ZNF543: variants seen among roughly 807,000 people sequenced by gnomAD.
ZNF543 encodes the protein zinc finger protein 543.
In ZNF543, 10 loss-of-function variants were observed where a neutral mutation model predicts 13.4. The ratio of observed to expected loss-of-function variants is 0.75; its 90% confidence interval spans 0.46 to 1.26. The LOEUF is 1.26. ZNF543 is among the 50% of genes most tolerant of loss of function. The pLI is 0.00. For synonymous variants in ZNF543, 272 were observed against 264.7 expected (o/e 1.03, Z -0.27); for missense variants, 768 against 741.2 (o/e 1.04, Z -0.42).
chr19:57,325,234 T>A (rs992337959), intron 2 of ZNF543, among the ~76,000 whole-genome samples: 56 of 152,126 alleles, frequency 3.7e-4, no homozygotes, highest in African/African-American at 1.3e-3. Context: ...TGAAGGAAGG[T>A]CTGATTCCCC....
In ZNF543 at chr19:57,328,468, G is replaced by T; in HGVS notation, c.1006G>T (p.Glu336Ter). The change falls in exon 4 of 4, where the codon GAG becomes TAG. Residue 336 changes from glutamate (E) to a stop codon, truncating the protein, a stop_gained. Transcript: ENST00000321545. LOFTEE classifies it low-confidence loss of function (END_TRUNC). ...FIRHYIIHTG[E>*]KPYECIECGK... Reference sequence around the variant, plus strand: ...TCGACACTACATCATCCACACGGGAGAGAAGCCCTATGAGTGCATTGAGTG... The same window carrying T: ...TCGACACTACATCATCCACACGGGATAGAAGCCCTATGAGTGCATTGAGTG... 6.2e-7 allele frequency: 1 copy of T among 1,614,238 alleles called. No individual in the cohort carries two copies. Among genetic ancestry groups the T allele is most frequent in the South Asian group, 1.1e-5 (1 of 91,092 alleles).
intron 3 of ZNF543, among the ~76,000 whole-genome samples, chr19:57,326,981 C>T (rs1305762167): frequency 6.6e-6 from 1 of 151,810 alleles, no homozygotes; most frequent in Admixed American, 6.6e-5. Flanking sequence ...GATTCTCCCA[C>T]CTCAGCCTCC....
At position 57,329,295 on chromosome 19, in the gene ZNF543, C is replaced by T; in HGVS notation, c.*30C>T. The T allele has an allele frequency of 6.4e-7, 1 of 1,555,670 alleles. No homozygotes were observed. Reference sequence around the variant, plus strand: ...GAACATCTTACCATCTGGCCATTCACACTGAAGAGAAACTTCATAAGCATC... The same window carrying T: ...GAACATCTTACCATCTGGCCATTCATACTGAAGAGAAACTTCATAAGCATC... On this transcript the variant is annotated 3_prime_UTR_variant, in exon 4 of 4. Transcript: ENST00000321545.
intron 2 of ZNF543, among the ~76,000 whole-genome samples, chr19:57,325,105 G>A (rs899523257): frequency 1.3e-5 from 2 of 152,196 alleles, no homozygotes; most frequent in Admixed American, 6.5e-5. Context: ...CATTTGAGCT[G>A]AGACCCAAAG....
chr19:57,321,259 C>G (rs1194066642), intron 1 of ZNF543, among the ~76,000 whole-genome samples: 2 of 152,170 alleles, frequency 1.3e-5, no homozygotes, highest in Non-Finnish European at 2.9e-5. Context: ...TCCAGGCTTT[C>G]TCTTTGCACT....
chr19:57,320,716 T>G lies in ZNF543; in HGVS notation c.-138T>G. 2 of 1,106,484 alleles carry G rather than the reference T, an allele frequency of 1.8e-6. No individual in the cohort carries two copies. Among genetic ancestry groups the G allele is most frequent in the Non-Finnish European group, 2.5e-6 (2 of 796,318 alleles). The allele number at this position is 1,106,484 out of a possible 1,614,324, so 68.5% of individuals were successfully genotyped here. A position where few individuals can be genotyped will look rare whatever the true frequency, so the allele number is the denominator to read the frequency against. On this transcript the variant is annotated 5_prime_UTR_variant, in exon 1 of 4. Transcript: ENST00000321545. ...CTCAGCCCCGACGCTGCGCCCGCTT[T>G]GTGCGCATTTTTCTCTGGGGAAACT...
chr19:57,329,757 C>A lies in ZNF543; in HGVS notation c.*492C>A, dbSNP rs988708461. On this transcript the variant is annotated 3_prime_UTR_variant, in exon 4 of 4. Coordinates refer to ENST00000321545, the MANE Select transcript of ZNF543 (RefSeq NM_213598.4). Reference sequence around the variant, plus strand: ...TCGATCTCCTGACCTCGTGATCCGCCCGCCTCAGCCTCCCAAAGTGCTGGG... The same window carrying A: ...TCGATCTCCTGACCTCGTGATCCGCACGCCTCAGCCTCCCAAAGTGCTGGG... The A allele has an allele frequency of 6.5e-6, 1 of 154,166 alleles. No homozygotes were observed. Among genetic ancestry groups the A allele is most frequent in the African/African-American group, 2.4e-5 (1 of 41,416 alleles). 9.5% of individuals were successfully genotyped at this position (154,166 alleles called of 1,614,324 possible).
At chr19:57,323,035 G>A (rs2088098860) in intron 1 of ZNF543, among the ~76,000 whole-genome samples, 1 of 151,992 alleles carries the variant, frequency 6.6e-6, no homozygotes, top group African/African-American at 2.4e-5. Flanking sequence ...TGTTCTTGTT[G>A]TTGTTGCTGG....
rs1319790006 is a variant in ZNF543 at position 57,329,471 on chromosome 19, A to G, written c.*206A>G. On this transcript the variant is annotated 3_prime_UTR_variant, in exon 4 of 4. Transcript: ENST00000321545. Reference sequence around the variant, plus strand: ...TATGCACTTAGGAAAACTTTCAGCCACATCTTTCTTCTTAGTTTACAGTGA... The same window carrying G: ...TATGCACTTAGGAAAACTTTCAGCCGCATCTTTCTTCTTAGTTTACAGTGA... 4 of 553,254 alleles carry G rather than the reference A, an allele frequency of 7.2e-6. No individual in the cohort carries two copies. In the East Asian group the frequency reaches 9.1e-5, roughly 13 times the overall value. 34.3% of individuals were successfully genotyped at this position (553,254 alleles called of 1,614,324 possible).
At chr19:57,326,520 G>C in intron 2 of ZNF543, 113 bp from the exon 3 acceptor site, 1 of 756,790 alleles carries the variant, frequency 1.3e-6, no homozygotes. Context: ...TCTTTGCTTG[G>C]CTGAGAATAG....
At chr19:57,321,401 CT>C (rs1392428105) in intron 1 of ZNF543, among the ~76,000 whole-genome samples, 5 of 152,224 alleles carry the variant, frequency 3.3e-5, no homozygotes, top group Admixed American at 1.3e-4. Flanking sequence ...GCCTTACGCA[CT>C]TGCCCATTTT....
At position 57,320,693 on chromosome 19, in the gene ZNF543, C is replaced by A; in HGVS notation, c.-161C>A. The A allele has an allele frequency of 1.1e-6, 1 of 871,486 alleles. No individual in the cohort carries two copies. The highest frequency in any genetic ancestry group is 1.7e-6 in the Non-Finnish European group (1 of 595,162). 54.0% of individuals were successfully genotyped at this position (871,486 alleles called of 1,614,324 possible). ...CCTCCGCAGCCGCCCTCCGTCTCCT[C>A]AGCCCCGACGCTGCGCCCGCTTTGT... On this transcript the variant is annotated 5_prime_UTR_variant, in exon 1 of 4. Coordinates refer to ENST00000321545, the MANE Select transcript of ZNF543 (RefSeq NM_213598.4).
intron 2 of ZNF543, 58 bp downstream of exon 2, chr19:57,323,866 CCT>C (rs1430666722): frequency 6.3e-7 from 1 of 1,577,466 alleles, no homozygotes; most frequent in Non-Finnish European, 8.6e-7. Flanking sequence ...CTCATGTTCC[CCT>C]CTCTCCTCCA....
Position 57,328,406 on chromosome 19 carries a change from A to T in ZNF543, c.944A>T (p.Glu315Val), listed in dbSNP as rs755273086. 7.4e-6 allele frequency: 12 copies of T among 1,613,620 alleles called. No individual in the cohort carries two copies. Among genetic ancestry groups the T allele is most frequent in the Non-Finnish European group, 7.6e-6 (9 of 1,179,962 alleles). The change falls in exon 4 of 4, where the codon GAG becomes GTG. Residue 315 changes from glutamate to valine, a missense_variant. Physicochemically the swap from Glu to Val is moderately radical, Grantham distance 121 (BLOSUM62 -2). Coordinates refer to ENST00000321545, the MANE Select transcript of ZNF543 (RefSeq NM_213598.4). ...HTGEKPFVCKECGKAFRDRPG... is the reference protein window; with the variant it reads ...HTGEKPFVCKVCGKAFRDRPG... ...GGAGAAAAACCCTTTGTGTGCAAAG[A>T]GTGTGGCAAAGCCTTTCGAGATAGG...
intron 2 of ZNF543, 103 bp from the exon 3 acceptor site, chr19:57,326,530 G>A (rs2088121806): frequency 6.1e-6 from 5 of 826,260 alleles, no homozygotes; most frequent in Middle Eastern, 2.6e-4. Flanking sequence ...GCTGAGAATA[G>A]CTTCACTTCA....
chr19:57,322,482 C>CA (rs34137895), intron 1 of ZNF543, among the ~76,000 whole-genome samples: 41,473 of 128,400 alleles, frequency 0.32, 6,462 homozygotes, highest in East Asian at 0.44. Flanking sequence ...GACCCTGTCT[C>CA]AAAAAAAAAA....
rs768641758 is a variant in ZNF543 at position 57,329,297 on chromosome 19, C to G, written c.*32C>G. 1.2e-5 allele frequency: 18 copies of G among 1,555,102 alleles called. No individual in the cohort carries two copies. The highest frequency in any genetic ancestry group is 1.4e-5 in the Non-Finnish European group (16 of 1,154,852). On this transcript the variant is annotated 3_prime_UTR_variant, in exon 4 of 4. Transcript: ENST00000321545. ...ACATCTTACCATCTGGCCATTCACA[C>G]TGAAGAGAAACTTCATAAGCATCCT...
chr19:57,326,633 G>T lies in ZNF543; in HGVS notation c.146G>T (p.Gly49Val), dbSNP rs1236025377. ...LETCGLLMSL[G>V]CPLFKPELIY... is the part of the protein sequence containing the mutation. ...GTCCTCTTTTGTTCTCCATGCACAG[G>T]CTGTCCTTTGTTCAAACCAGAGCTG... The change falls in exon 3 of 4, where the codon GGC (glycine) becomes GTC (valine). Residue 49 changes from glycine to valine, a missense_variant and splice_region_variant. Coordinates refer to ENST00000321545, the MANE Select transcript of ZNF543 (RefSeq NM_213598.4). 8.7e-6 allele frequency: 14 copies of T among 1,613,394 alleles called. No homozygotes were observed. The highest frequency in any genetic ancestry group is 1.2e-5 in the Non-Finnish European group (14 of 1,179,460).
At chr19:57,325,780 A>G (rs903649894) in intron 2 of ZNF543, among the ~76,000 whole-genome samples, 2 of 152,044 alleles carry the variant, frequency 1.3e-5, no homozygotes, top group African/African-American at 4.8e-5. Flanking sequence ...CAGACTCCCA[A>G]AGCGTTGGGA....
Sources: allele counts gnomAD v4.1 joint callset (sites outside exome capture counted in the v4.1 genomes callset), GRCh38; gene constraint gnomAD v4.1.1; transcripts MANE v1.5; gene names NCBI Gene and HGNC (gene_info 2026-07-23, HGNC 2026-07-21).